The following ADGRV1 variants were observed in gnomAD, a reference collection of about 807,000 sequenced individuals.
ADGRV1 encodes G-protein coupled receptor 98.
In ADGRV1, 359 loss-of-function variants were observed where a neutral mutation model predicts 596.2. That is an observed-to-expected ratio of 0.60 (90% CI 0.55 to 0.66). The LOEUF (loss-of-function observed/expected upper bound fraction) is 0.66, where lower values mean the gene tolerates loss of function less well. Among genes scored for constraint, ADGRV1 ranks in the 30% least tolerant of loss-of-function variants. ADGRV1 has a pLI of 0.00. For synonymous variants in ADGRV1, 2,681 were observed against 2,679.2 expected, an observed-to-expected ratio of 1.00 and a Z score of -0.02; for missense variants, 7,274 against 7,575.6, an observed-to-expected ratio of 0.96 and a Z score of 1.48.
Position 90,756,443 on chromosome 5 carries a change from C to T in ADGRV1, c.11581-11C>T. ...AAAAATGAAACACCATCTTTTTCCC[C>T]CATCCCCCAGGATGACCTTCCTGAA... On this transcript the variant is annotated splice_polypyrimidine_tract_variant and intron_variant, in intron 55 of 89. Transcript: ENST00000405460. 6.9e-7 allele frequency: 1 copy of T among 1,453,680 alleles called. No homozygotes were observed. Among genetic ancestry groups the T allele is most frequent in the Admixed American group, 2.6e-5 (1 of 38,080 alleles). The allele number at this position is 1,453,680 out of a possible 1,614,324, so 90.0% of individuals were successfully genotyped here. A position where few individuals can be genotyped will look rare whatever the true frequency, so the allele number is the denominator to read the frequency against.
At chr5:91,077,594 C>T (rs191961114) in intron 86 of ADGRV1, among the ~76,000 whole-genome samples, 2 of 152,306 alleles carry the variant, frequency 1.3e-5, no homozygotes, top group East Asian at 3.9e-4. Flanking sequence ...TCAACCCCTT[C>T]CCTCCCTGAG....
At chr5:91,071,134 A>AAAGGGAGAG (rs1788355655) in intron 85 of ADGRV1, among the ~76,000 whole-genome samples, 1 of 152,154 alleles carries the variant, frequency 6.6e-6, no homozygotes. Context: ...AAGGAAATAG[A>AAAGGGAGAG]AAGGGAGAGA....
chr5:90,942,743 C>T (rs569762365), intron 83 of ADGRV1, among the ~76,000 whole-genome samples: 6 of 152,184 alleles, frequency 3.9e-5, no homozygotes, highest in Middle Eastern at 3.4e-3. Context: ...ATTATCTGAA[C>T]GATTGTGTGA....
chr5:90,618,913 CT>C (rs1239967999), intron 3 of ADGRV1, among the ~76,000 whole-genome samples, 172 bp from the exon 4 acceptor site: 3 of 151,918 alleles, frequency 2.0e-5, no homozygotes, highest in Admixed American at 1.3e-4. Context: ...TCATTTGGAA[CT>C]TCTTAACCAT....
intron 29 of ADGRV1, among the ~76,000 whole-genome samples, chr5:90,686,641 C>T (rs368449761): frequency 7.9e-5 from 12 of 152,100 alleles, no homozygotes; most frequent in South Asian, 2.1e-4. Flanking sequence ...TGGTTCCAAG[C>T]CTTTGCTATT....
chr5:90,625,328 G>C (rs1314341670), intron 6 of ADGRV1, 85 bp downstream of exon 6: 3 of 754,696 alleles, frequency 4.0e-6, no homozygotes, highest in Non-Finnish European at 6.8e-6. Flanking sequence ...ATTGTGGCCA[G>C]TCGCACCTCA....
intron 83 of ADGRV1, among the ~76,000 whole-genome samples, chr5:90,910,299 A>C (rs1772744366): frequency 6.6e-6 from 1 of 152,162 alleles, no homozygotes; most frequent in African/African-American, 2.4e-5. Context: ...ATCAGATATA[A>C]CCGAACTTCT....
chr5:91,131,212 C>G lies in ADGRV1; in HGVS notation c.18433-18818C>G, dbSNP rs188650703. Among the ~76,000 whole-genome samples, 212 of 152,340 alleles carry G rather than the reference C, an allele frequency of 1.4e-3. 1 individual carries two copies. Among genetic ancestry groups the G allele is most frequent in the African/African-American group, 4.4e-3 (183 of 41,576 alleles). On this transcript the variant is annotated intron_variant, in intron 87 of 89. Coordinates refer to ENST00000405460, the MANE Select transcript of ADGRV1 (RefSeq NM_032119.4). ...ATCTCCAAACTGCTTTCCACAGGGA[C>G]TGAACTAATTTGCATTCTCGCCAAC...
intron 85 of ADGRV1, among the ~76,000 whole-genome samples, chr5:91,045,116 A>G (rs1785681673): frequency 6.6e-6 from 1 of 152,140 alleles, no homozygotes; most frequent in Admixed American, 6.5e-5. Flanking sequence ...TTCAAAAAGA[A>G]GAATTGGCAC....
chr5:91,113,982 G>A (rs916686770), intron 87 of ADGRV1, among the ~76,000 whole-genome samples: 1 of 152,122 alleles, frequency 6.6e-6, no homozygotes, highest in Non-Finnish European at 1.5e-5. Flanking sequence ...ACTTTGGGAA[G>A]CCAAGGCAGG....
chr5:90,949,829 C>T (rs545421029), intron 83 of ADGRV1, among the ~76,000 whole-genome samples: 7 of 151,938 alleles, frequency 4.6e-5, no homozygotes, highest in African/African-American at 1.4e-4. Context: ...CCAGCCCAAC[C>T]CTCTTATTTT....
At chr5:90,575,522 T>C (rs1434124041) in intron 1 of ADGRV1, among the ~76,000 whole-genome samples, 2 of 152,166 alleles carry the variant, frequency 1.3e-5, no homozygotes, top group Non-Finnish European at 2.9e-5. Flanking sequence ...TGAGCTCAGA[T>C]TGCAGGATGG....
chr5:90,594,515 T>G (rs1437857135), intron 1 of ADGRV1, among the ~76,000 whole-genome samples: 1 of 143,942 alleles, frequency 6.9e-6, no homozygotes, highest in Non-Finnish European at 1.5e-5. Flanking sequence ...TTAATCATTC[T>G]TGGGTGTTTC....
intron 1 of ADGRV1, among the ~76,000 whole-genome samples, chr5:90,565,674 A>G (rs886080710): frequency 2.0e-5 from 3 of 152,274 alleles, no homozygotes; most frequent in African/African-American, 7.2e-5. Context: ...TTGTGCTGAC[A>G]TAAGTTTTTT....
intron 85 of ADGRV1, among the ~76,000 whole-genome samples, chr5:91,035,727 C>T (rs1336503429): frequency 6.6e-6 from 1 of 150,628 alleles, no homozygotes; most frequent in Non-Finnish European, 1.5e-5. Flanking sequence ...CTGGTGTGAC[C>T]TTAGACAAGT....
intron 83 of ADGRV1, among the ~76,000 whole-genome samples, chr5:90,912,628 A>G (rs1772991431): frequency 6.6e-6 from 1 of 152,194 alleles, no homozygotes; most frequent in Admixed American, 6.5e-5. Flanking sequence ...ACAATGTGGT[A>G]TAAGTGATAT....
intron 83 of ADGRV1, among the ~76,000 whole-genome samples, chr5:90,936,967 T>C (rs906821884): frequency 1.3e-5 from 2 of 152,188 alleles, no homozygotes; most frequent in Non-Finnish European, 2.9e-5. Flanking sequence ...TTAATACTTA[T>C]ACTTCCTTAA....
At chr5:90,649,448 T>C (rs1048443009) in intron 17 of ADGRV1, among the ~76,000 whole-genome samples, 1 of 152,082 alleles carries the variant, frequency 6.6e-6, no homozygotes, top group South Asian at 2.1e-4. Flanking sequence ...AGTGAATGAA[T>C]CAAAACATCC....
chr5:90,777,995 A>G lies in ADGRV1; in HGVS notation c.12618A>G (p.Gly4206=). Residue 4206 remains glycine, a synonymous_variant, in exon 62 of 90, where the codon GGA becomes GGG. Coordinates refer to ENST00000405460, the MANE Select transcript of ADGRV1 (RefSeq NM_032119.4). The part of the protein sequence containing the change: ...PSVGEFAETS[G]KLTMRDEQSA... Reference sequence around the variant, plus strand: ...TGGGGGAATTTGCTGAAACATCAGGAAAACTGACAATGCGAGACGAACAGT... The same window carrying G: ...TGGGGGAATTTGCTGAAACATCAGGGAAACTGACAATGCGAGACGAACAGT... 6.2e-7 allele frequency: 1 copy of G among 1,602,672 alleles called. No individual in the cohort carries two copies. The highest frequency in any genetic ancestry group is 8.5e-7 in the Non-Finnish European group (1 of 1,173,810).
Sources: gnomAD v4.1 joint callset for allele counts (sites outside exome capture counted in the v4.1 genomes callset) on GRCh38, gnomAD v4.1.1 for gene constraint, MANE v1.5 for transcripts, NCBI Gene and HGNC (gene_info 2026-07-23, HGNC 2026-07-21) for gene names.